RADX: variants seen among roughly 807,000 people sequenced by gnomAD.
RADX encodes the protein RPA1 related single stranded DNA binding protein, X-linked, also known as RPA-related protein RADX.
A neutral mutation model predicts 61.6 loss-of-function variants in RADX; 36 were observed. The ratio of observed to expected loss-of-function variants is 0.58; its 90% CI spans 0.45 to 0.77. The LOEUF (loss-of-function observed/expected upper bound fraction) is 0.77. Ranked by LOEUF, RADX falls within the 30% of genes least tolerant of loss-of-function variation. The pLI is 0.00. For synonymous variants in RADX, 272 were observed against 237.9 expected, an observed-to-expected ratio of 1.14 and a Z score of -1.32; for missense variants, 497 against 651.1, an observed-to-expected ratio of 0.76 and a Z score of 2.58.
chrX:106,631,880 G>C (rs1413066137), intron 3 of RADX, among the ~76,000 whole-genome samples: 1 of 110,998 alleles, frequency 9.0e-6, no homozygotes, highest in Non-Finnish European at 1.9e-5. Flanking sequence ...AAGAAAGTTA[G>C]TTGACAATAC....
Position 106,639,569 on chromosome X carries a change from T to C in RADX, c.1616T>C (p.Ile539Thr), listed in dbSNP as rs760246775. The C allele has an allele frequency of 5.8e-6, 7 of 1,202,597 alleles. No individual in the cohort carries two copies. In the South Asian group the frequency reaches 7.3e-5, roughly 12 times the overall value. ...LTAISEVRKEIEDLQYREQKR... is the reference protein window; with the variant it reads ...LTAISEVRKETEDLQYREQKR... The stretch of plus-strand genomic sequence containing the variant: ...GCTATAAGTGAAGTCAGGAAGGAGA[T>C]TGAAGACTTGCAGTATAGGGAACAA... The change falls in exon 9 of 14, where the codon ATT (isoleucine) becomes ACT (threonine). Residue 539 changes from isoleucine to threonine, a missense_variant. Coordinates refer to ENST00000372548, the MANE Select transcript of RADX (RefSeq NM_018015.6).
chrX:106,652,148 A>G (rs1404723654), intron 11 of RADX, among the ~76,000 whole-genome samples: 6 of 111,417 alleles, frequency 5.4e-5, no homozygotes, highest in African/African-American at 2.0e-4. Context: ...TACATGCTAC[A>G]TATAAGAGAC....
At position 106,622,302 on chromosome X, in the gene RADX, T is replaced by G. The variant is rs976101247; in HGVS notation, c.644-349T>G. Among the ~76,000 whole-genome samples the G allele has an allele frequency of 8.3e-5, 9 of 108,678 alleles. No homozygotes were observed. In the South Asian group the frequency reaches 2.3e-3, roughly 28 times the overall value. 94.4% of individuals were successfully genotyped at this position (108,678 alleles called of 115,157 possible). A position where few individuals can be genotyped will look rare whatever the true frequency, so the allele number is the denominator to read the frequency against. On this transcript the variant is annotated intron_variant, in intron 1 of 13. Coordinates refer to ENST00000372548, the MANE Select transcript of RADX (RefSeq NM_018015.6). ...GAAAAATATTCCATGACATTGAGGT[T>G]TTTTTTTTCACAAAATATCTTAAGG...
At chrX:106,673,509 A>T (rs1317420537) in intron 13 of RADX, among the ~76,000 whole-genome samples, 1 of 108,609 alleles carries the variant, frequency 9.2e-6, no homozygotes, top group Non-Finnish European at 1.9e-5. Flanking sequence ...TTCTTTGGAG[A>T]AATATCTATT....
intron 9 of RADX, 94 bp downstream of exon 9, chrX:106,639,781 A>T (rs929812505): frequency 1.5e-6 from 1 of 675,594 alleles, no homozygotes; most frequent in South Asian, 5.3e-5. Flanking sequence ...ACTCACGTGT[A>T]TTGACTCTTA....
chrX:106,664,473 T>A (rs1163604971), intron 12 of RADX, among the ~76,000 whole-genome samples: 1 of 111,980 alleles, frequency 8.9e-6, no homozygotes, highest in Non-Finnish European at 1.9e-5. Flanking sequence ...GTAGTTTTTT[T>A]AAAAAGTTAT....
In RADX at chrX:106,612,418, GCTTGAA is replaced by G. The variant is rs1212826757; in HGVS notation, c.341_346del (p.Leu114_Asn115del). ...CAGGAGAAGTGCTACCTGGACCCCAGCTTGAACTCTCTCGTATATCAAAATATTCTT... is the reference window on the plus strand; with the variant it reads ...CAGGAGAAGTGCTACCTGGACCCCAGCTCTCTCGTATATCAAAATATTCTT... On this transcript the variant is annotated inframe_deletion, in exon 1 of 14. Coordinates refer to ENST00000372548, the MANE Select transcript of RADX (RefSeq NM_018015.6). The G allele has an allele frequency of 2.5e-6, 3 of 1,211,544 alleles. No homozygotes were observed. The African/African-American group carries it at 5.2e-5, about 21-fold the overall frequency.
At chrX:106,668,407 G>A (rs1427831772) in intron 12 of RADX, among the ~76,000 whole-genome samples, 6 of 112,017 alleles carry the variant, frequency 5.4e-5, no homozygotes, top group East Asian at 2.8e-4. Flanking sequence ...GTTTGTTTAC[G>A]CTTACTCTAG....
chrX:106,655,125 T>C (rs1569427568), intron 11 of RADX, among the ~76,000 whole-genome samples: 1 of 111,086 alleles, frequency 9.0e-6, no homozygotes. Context: ...ATAAAAGTTA[T>C]GTTTACATTC....
At chrX:106,646,098 A>G (rs1353929535) in intron 10 of RADX, among the ~76,000 whole-genome samples, 3 of 110,362 alleles carry the variant, frequency 2.7e-5, no homozygotes, top group African/African-American at 9.9e-5. Context: ...CTCGAAATCG[A>G]TTTTGTCTGA....
intron 10 of RADX, among the ~76,000 whole-genome samples, chrX:106,647,142 C>G (rs1173820025): frequency 9.0e-6 from 1 of 110,769 alleles, no homozygotes; most frequent in African/African-American, 3.3e-5. Context: ...TCCCCTACTC[C>G]CCTTCCCAGC....
chrX:106,642,994 A>G (rs953990713), intron 10 of RADX, among the ~76,000 whole-genome samples: 1 of 110,671 alleles, frequency 9.0e-6, no homozygotes, highest in African/African-American at 3.3e-5. Flanking sequence ...GGTTTTTTTC[A>G]TGAAGGGATG....
intron 3 of RADX, among the ~76,000 whole-genome samples, chrX:106,630,762 G>A (rs1201739623): frequency 9.0e-6 from 1 of 111,311 alleles, no homozygotes; most frequent in Non-Finnish European, 1.9e-5. Flanking sequence ...CTTGAAAGTG[G>A]AGGGTGGGAA....
At position 106,662,288 on chromosome X, in the gene RADX, T is replaced by G. The variant is rs781610685; in HGVS notation, c.2252T>G (p.Phe751Cys). 8.3e-7 allele frequency: 1 copy of G among 1,206,481 alleles called. No homozygotes were observed. Among genetic ancestry groups the G allele is most frequent in the East Asian group, 3.0e-5 (1 of 33,775 alleles). Residue 751 changes from phenylalanine (F) to cysteine (C), a missense_variant, in exon 12 of 14, where the codon TTT (phenylalanine) becomes TGT (cysteine). Around this residue, in one of 3 missense-constraint regions of RADX, gnomAD observed 267 missense variants for 306.9 expected, o/e 0.87. Coordinates refer to ENST00000372548, the MANE Select transcript of RADX (RefSeq NM_018015.6). The stretch of plus-strand genomic sequence containing the variant: ...AAGAGCGCCCGAAGCCTTGGACATT[T>G]TGAAGTAACCATACTAGGTAAGTTC... ...DFKSARSLGH[F>C]EVTILGLNHE...
At chrX:106,646,149 A>C (rs899510380) in intron 10 of RADX, among the ~76,000 whole-genome samples, 2 of 111,137 alleles carry the variant, frequency 1.8e-5, no homozygotes, top group Non-Finnish European at 3.8e-5. Flanking sequence ...GTTTCCATTG[A>C]CATGGAATAC....
At chrX:106,628,518 A>AT (rs1927127485) in intron 3 of RADX, among the ~76,000 whole-genome samples, 1 of 111,601 alleles carries the variant, frequency 9.0e-6, no homozygotes, top group Admixed American at 9.5e-5. Context: ...CAGTAAAGGA[A>AT]TAAGGATTTG....
At position 106,678,266 on chromosome X, in the gene RADX, C is replaced by A; in HGVS notation, c.*8C>A. 8.9e-7 allele frequency: 1 copy of A among 1,128,747 alleles called. No homozygotes were observed. Among genetic ancestry groups the A allele is most frequent in the East Asian group, 3.0e-5 (1 of 33,348 alleles). 93.0% of individuals were successfully genotyped at this position (1,128,747 alleles called of 1,213,427 possible). On this transcript the variant is annotated 3_prime_UTR_variant, in exon 14 of 14. Transcript: ENST00000372548. ...CCAGAGAATACTTCTTAAAAGTTAG[C>A]AAATGAAATTATTACAGATTATACG... is the stretch of plus-strand genomic sequence containing the variant.
intron 7 of RADX, among the ~76,000 whole-genome samples, chrX:106,636,990 A>G (rs182818636): frequency 6.8e-4 from 76 of 111,693 alleles, no homozygotes; most frequent in African/African-American, 2.4e-3. Context: ...GATTCTGTTA[A>G]CAATATTTTA....
intron 11 of RADX, among the ~76,000 whole-genome samples, chrX:106,657,762 C>T (rs1927982048): frequency 9.0e-6 from 1 of 111,530 alleles, no homozygotes; most frequent in African/African-American, 3.3e-5. Context: ...AGTTTGCTAT[C>T]TCACATGGGT....
Sources: gnomAD v4.1 joint callset for allele counts (sites outside exome capture counted in the v4.1 genomes callset) on GRCh38, gnomAD v4.1.1 for gene constraint, gnomAD v4.1.1 regional missense constraint, MANE v1.5 for transcripts, NCBI Gene and HGNC (gene_info 2026-07-23, HGNC 2026-07-21) for gene names.